The following STXBP4 variants were observed in gnomAD, a reference collection of about 807,000 sequenced individuals.
STXBP4 encodes the protein syntaxin-binding protein 4.
Under a neutral mutation model 76.1 loss-of-function variants are expected in STXBP4, and 55 were observed. The observed-to-expected ratio is 0.72, with a 90% CI of 0.58 to 0.91. The LOEUF is 0.91. STXBP4 is among the 40% of genes least tolerant of loss of function. The pLI is 0.00. For synonymous variants in STXBP4, 201 were observed against 220.2 expected, an observed-to-expected ratio of 0.91 and a Z score of 0.77; for missense variants, 618 against 636.9, an observed-to-expected ratio of 0.97 and a Z score of 0.32.
At chr17:55,190,988 A>G in the STXBP4 span, among the ~76,000 whole-genome samples, 1 of 152,192 alleles carries the variant, frequency 6.6e-6, no homozygotes, top group Non-Finnish European at 1.5e-5. Context: ...GGAAAGGCCA[A>G]TCCCCACCCT....
chr17:54,975,161 C>T (rs369224988), intron 1 of STXBP4, among the ~76,000 whole-genome samples: 7 of 152,108 alleles, frequency 4.6e-5, no homozygotes, highest in East Asian at 1.9e-4. Context: ...GTTTTTGAGA[C>T]GGAGTCTCAC....
At chr17:54,984,332 CTT>C (rs200349357) in intron 1 of STXBP4, among the ~76,000 whole-genome samples, 1,675 of 130,198 alleles carry the variant, frequency 0.013, 48 homozygotes, top group African/African-American at 0.046. Flanking sequence ...CTCTCTTTTT[CTT>C]TTTTCTTTTT....
the STXBP4 span, among the ~76,000 whole-genome samples, chr17:55,201,161 G>C: frequency 1.3e-5 from 2 of 152,208 alleles, no homozygotes; most frequent in African/African-American, 2.4e-5. Context: ...CATGGCAGCG[G>C]GTAAGCTGTG....
At chr17:55,204,833 C>CACACACACAT in the STXBP4 span, among the ~76,000 whole-genome samples, 457 of 123,174 alleles carry the variant, frequency 3.7e-3, 3 homozygotes, top group South Asian at 0.016. Flanking sequence ...CACACACACA[C>CACACACACAT]ACACACACAC....
the STXBP4 span, among the ~76,000 whole-genome samples, chr17:55,181,926 C>T: frequency 6.6e-6 from 1 of 152,092 alleles, no homozygotes; most frequent in African/African-American, 2.4e-5. Flanking sequence ...ACTTTAAAGG[C>T]TCAACATCCT....
chr17:55,062,453 G>A (rs1376344419), intron 12 of STXBP4, among the ~76,000 whole-genome samples: 1 of 152,072 alleles, frequency 6.6e-6, no homozygotes, highest in African/African-American at 2.4e-5. Flanking sequence ...GTATTACCTG[G>A]TGTATATTTG....
At chr17:55,191,441 T>C in the STXBP4 span, among the ~76,000 whole-genome samples, 9 of 152,154 alleles carry the variant, frequency 5.9e-5, no homozygotes, top group Non-Finnish European at 1.0e-4. Context: ...TGAAATTTCT[T>C]CAAATGGTTA....
intron 16 of STXBP4, among the ~76,000 whole-genome samples, chr17:55,139,380 C>T (rs16955663): frequency 0.02 from 3,117 of 152,154 alleles, 74 homozygotes; most frequent in African/African-American, 0.056. Context: ...AATTATTTAG[C>T]GGGCAAAAAT....
intron 16 of STXBP4, among the ~76,000 whole-genome samples, chr17:55,129,766 G>A (rs1238832930): frequency 6.6e-6 from 1 of 152,164 alleles, no homozygotes; most frequent in Non-Finnish European, 1.5e-5. Flanking sequence ...GAGCATTGTG[G>A]TAGGCAGAAT....
the STXBP4 span, among the ~76,000 whole-genome samples, chr17:55,189,452 C>G: frequency 6.6e-6 from 1 of 152,102 alleles, no homozygotes; most frequent in Non-Finnish European, 1.5e-5. Flanking sequence ...TTACTTTGAG[C>G]CTTAACCCAG....
chr17:55,207,543 T>C, the STXBP4 span, among the ~76,000 whole-genome samples: 2 of 152,236 alleles, frequency 1.3e-5, no homozygotes, highest in African/African-American at 4.8e-5. Flanking sequence ...ACAAATTCCC[T>C]TCAAATACTC....
the STXBP4 span, among the ~76,000 whole-genome samples, chr17:55,211,098 C>CA: frequency 1.3e-5 from 2 of 152,020 alleles, no homozygotes; most frequent in African/African-American, 4.8e-5. Flanking sequence ...GAAATGCCCC[C>CA]CCCCATGAAA....
intron 12 of STXBP4, among the ~76,000 whole-genome samples, chr17:55,049,792 T>A (rs1173940499): frequency 6.6e-6 from 1 of 151,948 alleles, no homozygotes; most frequent in Non-Finnish European, 1.5e-5. Context: ...AAATATAGTT[T>A]GCCAAAACTG....
chr17:54,979,189 A>G (rs2077514178), intron 1 of STXBP4, among the ~76,000 whole-genome samples: 1 of 152,168 alleles, frequency 6.6e-6, no homozygotes, highest in African/African-American at 2.4e-5. Context: ...GGTGCCCCTC[A>G]AAATGTTTTT....
chr17:54,991,093 G>A, intron 4 of STXBP4, 136 bp downstream of exon 4: 1 of 972,824 alleles, frequency 1.0e-6, no homozygotes, highest in Non-Finnish European at 1.4e-6. Context: ...GGAATTAGAA[G>A]ATAAGACTAT....
At chr17:55,155,508 T>C (rs1411273587) in intron 17 of STXBP4, among the ~76,000 whole-genome samples, 1 of 136,036 alleles carries the variant, frequency 7.4e-6, no homozygotes, top group African/African-American at 2.8e-5. Context: ...CATACAATTA[T>C]CACCCCCCCC....
At chr17:55,180,369 A>T in the STXBP4 span, among the ~76,000 whole-genome samples, 1 of 152,228 alleles carries the variant, frequency 6.6e-6, no homozygotes, top group Non-Finnish European at 1.5e-5. Flanking sequence ...TAAAAGAACT[A>T]TAGGAACTTT....
At chr17:55,032,111 T>C (rs1178546633) in intron 9 of STXBP4, among the ~76,000 whole-genome samples, 2 of 152,202 alleles carry the variant, frequency 1.3e-5, no homozygotes, top group Admixed American at 6.5e-5. Context: ...TTTTCAGAGA[T>C]ATTTTGCACA....
At chr17:55,052,949 G>GTA (rs2078879111) in intron 12 of STXBP4, among the ~76,000 whole-genome samples, 5 of 139,480 alleles carry the variant, frequency 3.6e-5, no homozygotes, top group African/African-American at 1.4e-4. Flanking sequence ...GTGTGTGTGT[G>GTA]TGGGTTGTAT....
Sources: gnomAD v4.1 joint callset for allele counts (sites outside exome capture counted in the v4.1 genomes callset) on GRCh38, gnomAD v4.1.1 for gene constraint, MANE v1.5 for transcripts, NCBI Gene and HGNC (gene_info 2026-07-23, HGNC 2026-07-21) for gene names.